TEX38: variants seen among roughly 807,000 people sequenced by gnomAD.
TEX38 encodes testis-expressed protein 38.
Under a neutral mutation model 2.7 loss-of-function variants are expected in TEX38, and 5 were observed. The observed-to-expected ratio is 1.86, with a 90% CI of 0.97 to 3.90. The LOEUF is 3.90. Among genes scored for constraint, TEX38 ranks in the 30% most tolerant of loss-of-function variants. The probability of loss-of-function intolerance (pLI) is 0.00; values close to 1 mark genes in which losing one functional copy is unlikely to be tolerated. For synonymous variants in TEX38, 110 were observed against 103.3 expected (o/e 1.06, Z -0.39); for missense variants, 218 against 247.9 (o/e 0.88, Z 0.81).
Position 46,672,803 on chromosome 1 carries a change from T to G in TEX38, c.38-70T>G. 16 of 1,373,806 alleles carry G rather than the reference T, an allele frequency of 1.2e-5. No individual in the cohort carries two copies. In the South Asian group the frequency reaches 2.2e-4, roughly 19 times the overall value. The allele number at this position is 1,373,806 out of a possible 1,614,324, so 85.1% of individuals were successfully genotyped here. A position where few individuals can be genotyped will look rare whatever the true frequency, so the allele number is the denominator to read the frequency against. ...ATGCATGGGTTAAGTGAAAGAGGAA[T>G]GAGAAACAGCTCAGGCCCCAAGCTA... On this transcript the variant is annotated intron_variant, in intron 1 of 1. Transcript: ENST00000334122.
At position 46,673,153 on chromosome 1, in the gene TEX38, C is replaced by T; in HGVS notation, c.318C>T (p.Asp106=). ...VQNPDVLWDL[D]IPEGRSHADQ... Reference sequence around the variant, plus strand: ...ATCCAGATGTTCTGTGGGATTTGGACATCCCCGAAGGCAGGAGCCATGCTG... The same window carrying T: ...ATCCAGATGTTCTGTGGGATTTGGATATCCCCGAAGGCAGGAGCCATGCTG... Residue 106 remains aspartate, a synonymous_variant, in exon 2 of 2, where the codon GAC becomes GAT. Transcript: ENST00000334122. 2 of 1,551,728 alleles carry T rather than the reference C, an allele frequency of 1.3e-6. No individual in the cohort carries two copies. Among genetic ancestry groups the T allele is most frequent in the Non-Finnish European group, 1.7e-6 (2 of 1,146,974 alleles).
upstream of TEX38, among the ~76,000 whole-genome samples, chr1:46,669,883 G>T (rs1676558367): frequency 1.3e-5 from 2 of 152,226 alleles, no homozygotes; most frequent in Non-Finnish European, 2.9e-5. Context: ...GGGCTAGTTA[G>T]ATTGCTTAGG....
At chr1:46,669,153 C>A (rs1258884777), upstream of TEX38, 1 of 261,706 alleles carries the variant, frequency 3.8e-6, no homozygotes. Flanking sequence ...ACATTAACAT[C>A]TCTGTGTCCC....
At position 46,673,456 on chromosome 1, in the gene TEX38, GC is replaced by G; in HGVS notation, c.*2del. 6.5e-7 allele frequency: 1 copy of G among 1,543,900 alleles called. No individual in the cohort carries two copies. The highest frequency in any genetic ancestry group is 8.8e-7 in the Non-Finnish European group (1 of 1,142,030). ...CCAAGCCTTTTCCTTCAGAACTGTAGCCTCCTCTCACTGAAGGTGGGAGCTG... is the reference window on the plus strand; with the variant it reads ...CCAAGCCTTTTCCTTCAGAACTGTAGCTCCTCTCACTGAAGGTGGGAGCTG... On this transcript the variant is annotated 3_prime_UTR_variant, in exon 2 of 2. Coordinates refer to ENST00000334122, the MANE Select transcript of TEX38 (RefSeq NM_001145474.4).
At position 46,673,171 on chromosome 1, in the gene TEX38, C is replaced by T; in HGVS notation, c.336C>T (p.Ser112=). Residue 112 remains serine (S), a synonymous_variant, in exon 2 of 2, where the codon AGC becomes AGT. Coordinates refer to ENST00000334122, the MANE Select transcript of TEX38 (RefSeq NM_001145474.4). ...ATTTGGACATCCCCGAAGGCAGGAG[C>T]CATGCTGACCAAGACAGCAACCCCA... ...LWDLDIPEGR[S]HADQDSNPKA... is the part of the protein sequence containing the mutation. 1.9e-6 allele frequency: 3 copies of T among 1,551,580 alleles called. No individual in the cohort carries two copies. The highest frequency in any genetic ancestry group is 2.6e-6 in the Non-Finnish European group (3 of 1,146,916).
chr1:46,671,989 C>T lies in TEX38; in HGVS notation c.37+18C>T. 6.6e-7 allele frequency: 1 copy of T among 1,517,614 alleles called. No individual in the cohort carries two copies. The highest frequency in any genetic ancestry group is 8.9e-7 in the Non-Finnish European group (1 of 1,128,104). 94.0% of individuals were successfully genotyped at this position (1,517,614 alleles called of 1,614,324 possible). ...CCCTGGGAGTAAGTGCTCCTCCAGT[C>T]CCTGTCACTGGACTTGTGCCTTAGG... On this transcript the variant is annotated intron_variant, in intron 1 of 1. Transcript: ENST00000334122.
chr1:46,672,757 G>A, intron 1 of TEX38, 116 bp from the exon 2 acceptor site: 1 of 917,098 alleles, frequency 1.1e-6, no homozygotes, highest in Non-Finnish European at 1.6e-6. Context: ...GGTGAGAGTA[G>A]TTAAGTGGAT....
upstream of TEX38, chr1:46,669,529 CTT>C: frequency 2.2e-6 from 1 of 456,050 alleles, no homozygotes; most frequent in South Asian, 1.5e-5. Flanking sequence ...TCTTTATAGT[CTT>C]TATCCCATCA....
rs1676629939 is a variant in TEX38 at position 46,673,393 on chromosome 1, C to T, written c.558C>T (p.Ser186=). Residue 186 remains serine (S), a synonymous_variant, in exon 2 of 2, where the codon TCC becomes TCT. Coordinates refer to ENST00000334122, the MANE Select transcript of TEX38 (RefSeq NM_001145474.4). ...TCPERNVLFH[S]LLNLAQEDHS... ...CTGAAAGGAATGTTCTCTTCCATTC[C>T]CTCCTGAATCTGGCCCAGGAAGACC... is the stretch of plus-strand genomic sequence containing the variant. 1 of 1,551,978 alleles carries T rather than the reference C, an allele frequency of 6.4e-7. No homozygotes were observed. Among genetic ancestry groups the T allele is most frequent in the Non-Finnish European group, 8.7e-7 (1 of 1,147,052 alleles).
upstream of TEX38, chr1:46,669,223 A>T (rs1676549247): frequency 5.7e-6 from 2 of 353,308 alleles, no homozygotes; most frequent in South Asian, 4.2e-5. Context: ...ACTCATCATC[A>T]GGTCCTTCTT....
upstream of TEX38, among the ~76,000 whole-genome samples, chr1:46,670,287 G>A (rs78395878): frequency 0.013 from 1,966 of 152,252 alleles, 48 homozygotes; most frequent in African/African-American, 0.045. Context: ...AGTCAGTGTG[G>A]GTGTGATAGA....
Position 46,673,065 on chromosome 1 carries a change from T to C in TEX38, c.230T>C (p.Met77Thr), listed in dbSNP as rs549282716. The change falls in exon 2 of 2, where the codon ATG (methionine) becomes ACG (threonine). Residue 77 changes from methionine (M) to threonine (T), a missense_variant. Met to Thr is a moderately conservative substitution (Grantham distance 81). Coordinates refer to ENST00000334122, the MANE Select transcript of TEX38 (RefSeq NM_001145474.4). ...YWINKRRRYG[M>T]NAAINTGPAP... ...ATTAACAAGCGACGGCGCTACGGCA[T>C]GAATGCAGCCATCAACACGGGCCCT... 6.1e-5 allele frequency: 94 copies of C among 1,551,758 alleles called. No homozygotes were observed. Among genetic ancestry groups the C allele is most frequent in the Non-Finnish European group, 7.7e-5 (88 of 1,147,006 alleles).
At chr1:46,672,788 T>G (rs142214573) in intron 1 of TEX38, 85 bp from the exon 2 acceptor site, 15,097 of 1,234,016 alleles carry the variant, frequency 0.012, 132 homozygotes, top group Middle Eastern at 0.02. Flanking sequence ...ATGCATGGGT[T>G]AAGTGAAAGA....
chr1:46,673,148 T>G lies in TEX38; in HGVS notation c.313T>G (p.Leu105Val). The G allele has an allele frequency of 1.9e-6, 3 of 1,551,580 alleles. No homozygotes were observed. Among genetic ancestry groups the G allele is most frequent in the Non-Finnish European group, 1.7e-6 (2 of 1,146,966 alleles). ...CCAGAATCCAGATGTTCTGTGGGATTTGGACATCCCCGAAGGCAGGAGCCA... is the reference window on the plus strand; with the variant it reads ...CCAGAATCCAGATGTTCTGTGGGATGTGGACATCCCCGAAGGCAGGAGCCA... The part of the protein sequence containing the change: ...EVQNPDVLWD[L>V]DIPEGRSHAD... Residue 105 changes from leucine (L) to valine (V), a missense_variant, in exon 2 of 2, where the codon TTG becomes GTG. By Grantham distance (32) the Leu-to-Val change is conservative. Coordinates refer to ENST00000334122, the MANE Select transcript of TEX38 (RefSeq NM_001145474.4).
chr1:46,671,671 T>C (rs1676584088), upstream of TEX38: 3 of 492,178 alleles, frequency 6.1e-6, no homozygotes, highest in East Asian at 1.1e-4. Flanking sequence ...GGTGAACCAG[T>C]CTCTGATGGA....
intron 1 of TEX38, among the ~76,000 whole-genome samples, chr1:46,672,656 AAG>A (rs1321329988): frequency 6.6e-6 from 1 of 152,186 alleles, no homozygotes; most frequent in Non-Finnish European, 1.5e-5. Context: ...GTGATCTGTA[AAG>A]AGTTAAAGGT....
chr1:46,671,791 C>T, upstream of TEX38: 1 of 831,290 alleles, frequency 1.2e-6, no homozygotes, highest in Non-Finnish European at 2.0e-6. Flanking sequence ...TTCTCAGAAC[C>T]CAGTGACCTC....
chr1:46,669,272 G>A (rs1676549748), upstream of TEX38: 2 of 380,222 alleles, frequency 5.3e-6, no homozygotes, highest in East Asian at 7.2e-5. Context: ...CCTGGGACAG[G>A]GGCAGAGCCT....
upstream of TEX38, among the ~76,000 whole-genome samples, chr1:46,670,678 C>A (rs1453451697): frequency 2.0e-5 from 3 of 152,068 alleles, no homozygotes; most frequent in African/African-American, 7.2e-5. Flanking sequence ...GAGAAACCAG[C>A]AAAGGAGACT....
Sources: allele counts gnomAD v4.1 joint callset (sites outside exome capture counted in the v4.1 genomes callset), GRCh38; gene constraint gnomAD v4.1.1; transcripts MANE v1.5; gene names NCBI Gene and HGNC (gene_info 2026-07-23, HGNC 2026-07-21).